MAPKAP1: variants seen among roughly 807,000 people sequenced by gnomAD.
MAPKAP1 encodes target of rapamycin complex 2 subunit MAPKAP1.
A neutral mutation model predicts 65.7 loss-of-function variants in MAPKAP1; 20 were observed. The observed-to-expected ratio is 0.30, with a 90% CI of 0.21 to 0.44. The LOEUF is 0.44. Ranked by LOEUF, MAPKAP1 falls within the 20% of genes least tolerant of loss-of-function variation. The pLI is 1.00. For synonymous variants in MAPKAP1, 222 were observed against 244.3 expected (o/e 0.91, Z 0.85); for missense variants, 423 against 648.0 (o/e 0.65, Z 3.77).
intron 5 of MAPKAP1, among the ~76,000 whole-genome samples, chr9:125,577,131 C>G (rs1460272128): frequency 6.7e-6 from 1 of 149,814 alleles, no homozygotes; most frequent in African/African-American, 2.5e-5. Context: ...TCTGCCCGGC[C>G]GCCCATCGTC....
At chr9:125,632,259 C>T (rs1464658263) in intron 4 of MAPKAP1, among the ~76,000 whole-genome samples, 2 of 150,366 alleles carry the variant, frequency 1.3e-5, no homozygotes, top group Admixed American at 6.6e-5. Context: ...CCATACTAAA[C>T]TTTTCCTCTC....
intron 7 of MAPKAP1, among the ~76,000 whole-genome samples, chr9:125,512,110 G>A (rs887928011): frequency 1.3e-5 from 2 of 152,240 alleles, no homozygotes; most frequent in African/African-American, 4.8e-5. Flanking sequence ...CATGCTCAGA[G>A]CAGCTTCCTC....
intron 10 of MAPKAP1, among the ~76,000 whole-genome samples, chr9:125,459,509 C>CT (rs1345111453): frequency 6.6e-6 from 1 of 152,088 alleles, no homozygotes; most frequent in Non-Finnish European, 1.5e-5. Context: ...CGCCACTGCA[C>CT]TCCAGCCTGG....
At chr9:125,649,617 G>A (rs1191385148) in intron 4 of MAPKAP1, among the ~76,000 whole-genome samples, 1 of 151,746 alleles carries the variant, frequency 6.6e-6, no homozygotes, top group Non-Finnish European at 1.5e-5. Context: ...CAAAAAAGAG[G>A]CTTTTTGCTC....
chr9:125,674,163 C>A (rs1554841187), intron 1 of MAPKAP1, among the ~76,000 whole-genome samples: 1 of 148,758 alleles, frequency 6.7e-6, no homozygotes, highest in South Asian at 2.1e-4. Context: ...TTGAGCCTCC[C>A]TTTTTTTTTT....
At chr9:125,578,548 G>A in intron 5 of MAPKAP1, among the ~76,000 whole-genome samples, 1 of 151,942 alleles carries the variant, frequency 6.6e-6, no homozygotes, top group South Asian at 2.1e-4. Flanking sequence ...TAAAACAGAA[G>A]GCAAAAGTAA....
At chr9:125,552,798 C>T (rs184874964) in intron 6 of MAPKAP1, among the ~76,000 whole-genome samples, 168 of 152,254 alleles carry the variant, frequency 1.1e-3, no homozygotes, top group African/African-American at 3.9e-3. Flanking sequence ...TGTTTTCTAA[C>T]GGTGATGTGA....
chr9:125,496,265 G>A (rs191113526), intron 8 of MAPKAP1, among the ~76,000 whole-genome samples: 1 of 152,290 alleles, frequency 6.6e-6, no homozygotes, highest in East Asian at 1.9e-4. Context: ...AATTCTAATA[G>A]CGTGCAGCAA....
chr9:125,539,221 A>C (rs368156729), intron 7 of MAPKAP1, among the ~76,000 whole-genome samples: 2 of 152,354 alleles, frequency 1.3e-5, no homozygotes, highest in Admixed American at 6.5e-5. Flanking sequence ...GCTTATTAAC[A>C]ATATTTTAAG....
intron 4 of MAPKAP1, among the ~76,000 whole-genome samples, chr9:125,637,538 T>A (rs1009897825): frequency 6.6e-6 from 1 of 152,228 alleles, no homozygotes; most frequent in South Asian, 2.1e-4. Context: ...GGAATCAGAC[T>A]GACCCAGATT....
At chr9:125,644,334 C>G (rs1280951309) in intron 4 of MAPKAP1, among the ~76,000 whole-genome samples, 1 of 151,848 alleles carries the variant, frequency 6.6e-6, no homozygotes, top group African/African-American at 2.4e-5. Flanking sequence ...GGCAACTCAT[C>G]TATCGTAGTA....
At chr9:125,705,759 G>A (rs1835738215) in intron 1 of MAPKAP1, among the ~76,000 whole-genome samples, 3 of 152,186 alleles carry the variant, frequency 2.0e-5, no homozygotes, top group African/African-American at 7.2e-5. Context: ...CAGCTGAGCC[G>A]TGGGAAGCGT....
In MAPKAP1 at chr9:125,532,581, T is replaced by C. The variant is rs1017469299; in HGVS notation, c.958+10478A>G. Among the ~76,000 whole-genome samples, 8 of 152,220 alleles carry C rather than the reference T, an allele frequency of 5.3e-5. No individual in the cohort carries two copies. The East Asian group carries it at 7.7e-4, about 15-fold the overall frequency. ...AATTAGTCATCCCCACTTTGTGACA[T>C]TGATTGTTGGTTGCAGCCTTTTCCC... On this transcript the variant is annotated intron_variant, in intron 7 of 11. Transcript: ENST00000265960.
At chr9:125,667,654 C>G (rs1036160096) in intron 3 of MAPKAP1, among the ~76,000 whole-genome samples, 2 of 152,186 alleles carry the variant, frequency 1.3e-5, no homozygotes, top group African/African-American at 4.8e-5. Flanking sequence ...CTCAACTGAT[C>G]TGCCACCTTG....
At chr9:125,603,994 T>C (rs1745867904) in intron 4 of MAPKAP1, among the ~76,000 whole-genome samples, 2 of 152,244 alleles carry the variant, frequency 1.3e-5, no homozygotes, top group Non-Finnish European at 2.9e-5. Context: ...ATAATGCTGT[T>C]ACCAACTGAT....
chr9:125,555,290 T>C (rs1830705112), intron 6 of MAPKAP1, among the ~76,000 whole-genome samples: 1 of 152,250 alleles, frequency 6.6e-6, no homozygotes, highest in South Asian at 2.1e-4. Context: ...AACTCCCTCA[T>C]GACAATTCCA....
Position 125,511,852 on chromosome 9 carries a change from A to T in MAPKAP1, c.959-5435T>A, listed in dbSNP as rs187728153. On this transcript the variant is annotated intron_variant, in intron 7 of 11. Coordinates refer to ENST00000265960, the MANE Select transcript of MAPKAP1 (RefSeq NM_001006617.3). ...ATTTCACAGCAGAGAGGAACACAAA[A>T]GGAAGATTCTGGGAAGCAGTTACTC... Among the ~76,000 whole-genome samples the T allele has an allele frequency of 8.5e-4, 129 of 152,218 alleles. 1 individual carries two copies. The highest frequency in any genetic ancestry group is 1.4e-3 in the Admixed American group (22 of 15,290).
At chr9:125,680,080 T>C (rs1834775815) in intron 1 of MAPKAP1, among the ~76,000 whole-genome samples, 1 of 150,970 alleles carries the variant, frequency 6.6e-6, no homozygotes, top group African/African-American at 2.5e-5. Flanking sequence ...TAACAGCAGA[T>C]GCGAGATTTT....
chr9:125,606,733 G>A (rs1013259209), intron 4 of MAPKAP1, among the ~76,000 whole-genome samples: 9 of 152,170 alleles, frequency 5.9e-5, no homozygotes, highest in South Asian at 2.1e-4. Flanking sequence ...CTCTTGATGC[G>A]AAAAGGAGAG....
Sources: gnomAD v4.1 joint callset for allele counts (sites outside exome capture counted in the v4.1 genomes callset) on GRCh38, gnomAD v4.1.1 for gene constraint, MANE v1.5 for transcripts, NCBI Gene and HGNC (gene_info 2026-07-23, HGNC 2026-07-21) for gene names.